The following MGAT5 variants were observed in gnomAD, a reference collection of about 807,000 sequenced individuals.
MGAT5 encodes the protein alpha-1,6-mannosylglycoprotein 6-beta-N-acetylglucosaminyltransferase.
MGAT5 carries 30 observed loss-of-function variants against 94.3 expected under a neutral mutation model. The ratio of observed to expected loss-of-function variants is 0.32; its 90% confidence interval spans 0.24 to 0.43. The LOEUF is 0.43. Ranked by LOEUF, MGAT5 falls within the 20% of genes least tolerant of loss-of-function variation. The probability of loss-of-function intolerance (pLI) is 1.00; values close to 1 mark genes in which losing one functional copy is unlikely to be tolerated. For missense variants in MGAT5, 691 were observed against 905.5 expected (o/e 0.76, Z 3.04); for synonymous variants, 310 against 322.9 (o/e 0.96, Z 0.43).
intron 6 of MGAT5, 37 bp from the exon 7 acceptor site, chr2:134,341,553 T>G: frequency 6.4e-7 from 1 of 1,559,708 alleles, no homozygotes; most frequent in Non-Finnish European, 8.7e-7. Context: ...TTGTATGTGG[T>G]TCAGTGTGAA....
intron 2 of MGAT5, among the ~76,000 whole-genome samples, chr2:134,286,302 C>A (rs1684997311): frequency 6.6e-6 from 1 of 152,186 alleles, no homozygotes; most frequent in South Asian, 2.1e-4. Flanking sequence ...GTTTCCAAAG[C>A]CCCTTTTCCC....
At position 134,318,750 on chromosome 2, in the gene MGAT5, T is replaced by C. The variant is rs1282024371; in HGVS notation, c.573+11T>C. The C allele has an allele frequency of 3.8e-6, 6 of 1,592,396 alleles. No homozygotes were observed. The highest frequency in any genetic ancestry group is 5.2e-6 in the Non-Finnish European group (6 of 1,160,608). On this transcript the variant is annotated intron_variant, in intron 4 of 15. Coordinates refer to ENST00000281923, the MANE Select transcript of MGAT5 (RefSeq NM_002410.5). ...ATTTACCTCAGTGAGGTGAGTAGCT[T>C]TCTGTGGCTCCTGGGGGTAGATGTG...
chr2:134,169,409 C>CAT (rs1553487188), intron 1 of MGAT5, among the ~76,000 whole-genome samples: 1 of 117,816 alleles, frequency 8.5e-6, no homozygotes, highest in Non-Finnish European at 1.8e-5. Flanking sequence ...CACACACACA[C>CAT]ACAGACACAC....
chr2:134,230,720 G>A (rs76846591), intron 1 of MGAT5, among the ~76,000 whole-genome samples: 2,368 of 152,250 alleles, frequency 0.016, 25 homozygotes, highest in Middle Eastern at 0.034. Flanking sequence ...GTAAAATGGT[G>A]TAGCTACTGT....
intron 1 of MGAT5, among the ~76,000 whole-genome samples, chr2:134,146,241 G>A (rs1558955868): frequency 6.6e-6 from 1 of 152,144 alleles, no homozygotes; most frequent in Non-Finnish European, 1.5e-5. Context: ...AAGGAAATGA[G>A]TCTTGAGAAC....
At chr2:134,346,654 T>G (rs929102229) in intron 8 of MGAT5, among the ~76,000 whole-genome samples, 6 of 152,170 alleles carry the variant, frequency 3.9e-5, no homozygotes, top group African/African-American at 1.4e-4. Flanking sequence ...GATCTTTCAA[T>G]TAGGAACAAA....
chr2:134,345,147 A>G (rs557326570), intron 8 of MGAT5, 83 bp downstream of exon 8: 2 of 1,404,352 alleles, frequency 1.4e-6, no homozygotes, highest in African/African-American at 1.4e-5. Context: ...GAAAAAGCTT[A>G]TCAAATAGTA....
At chr2:134,381,369 A>AGATAGATT (rs1553457670) in intron 10 of MGAT5, among the ~76,000 whole-genome samples, 1 of 55,110 alleles carries the variant, frequency 1.8e-5, no homozygotes. Context: ...ATAGATAGAT[A>AGATAGATT]AGATAAGATA....
chr2:134,144,015 G>A (rs1217886712), intron 1 of MGAT5, among the ~76,000 whole-genome samples: 2 of 152,124 alleles, frequency 1.3e-5, no homozygotes, highest in East Asian at 3.9e-4. Flanking sequence ...GTGATTCTGG[G>A]ATGCTCAGGG....
chr2:134,381,368 T>TAGATA (rs1558841540), intron 10 of MGAT5, among the ~76,000 whole-genome samples: 1 of 78,366 alleles, frequency 1.3e-5, no homozygotes, highest in South Asian at 5.0e-4. Flanking sequence ...GATAGATAGA[T>TAGATA]AAGATAAGAT....
chr2:134,395,592 C>T (rs1682659416), intron 10 of MGAT5, among the ~76,000 whole-genome samples: 1 of 152,176 alleles, frequency 6.6e-6, no homozygotes, highest in South Asian at 2.1e-4. Context: ...ATTTTATTCC[C>T]AGTGCTGGCT....
chr2:134,357,977 A>C (rs1468783115), intron 9 of MGAT5, among the ~76,000 whole-genome samples: 2 of 152,178 alleles, frequency 1.3e-5, no homozygotes, highest in African/African-American at 2.4e-5. Context: ...TTTTTCAATG[A>C]ATTTTTTTCT....
intron 9 of MGAT5, among the ~76,000 whole-genome samples, chr2:134,350,530 A>G (rs895886412): frequency 1.3e-5 from 2 of 152,168 alleles, no homozygotes; most frequent in African/African-American, 4.8e-5. Context: ...CGATATAGTA[A>G]GAACAGCACA....
intron 1 of MGAT5, among the ~76,000 whole-genome samples, chr2:134,180,602 C>T (rs1263726427): frequency 6.6e-6 from 1 of 152,176 alleles, no homozygotes; most frequent in Non-Finnish European, 1.5e-5. Context: ...CTCCAAATGC[C>T]TCACTCTTGT....
intron 10 of MGAT5, 129 bp downstream of exon 10, chr2:134,362,537 A>T (rs1680164493): frequency 8.5e-7 from 1 of 1,180,974 alleles, no homozygotes; most frequent in African/African-American, 1.5e-5. Flanking sequence ...CATAAACAAG[A>T]ATGTGCAAAG....
rs575845836 is a variant in MGAT5, at chr2:134,191,445, GC to G, written c.-142-62812del. Among the ~76,000 whole-genome samples the G allele has an allele frequency of 1.6e-3, 246 of 152,208 alleles. 1 individual carries two copies. Among genetic ancestry groups the G allele is most frequent in the African/African-American group, 5.6e-3 (231 of 41,534 alleles). ...GCGTTCCTGATGAAAGGGTGGGTTC[GC>G]CCCCTCCCCCTACCCCCCCCACCAG... On this transcript the variant is annotated intron_variant, in intron 1 of 16. Coordinates refer to the MGAT5 transcript ENST00000409645.
intron 1 of MGAT5, among the ~76,000 whole-genome samples, chr2:134,241,230 C>T (rs988211681): frequency 6.6e-6 from 1 of 152,212 alleles, no homozygotes; most frequent in African/African-American, 2.4e-5. Context: ...TCCTGTCCTT[C>T]CCGCTCTGGG....
At chr2:134,192,920 G>A (rs1351728409) in intron 1 of MGAT5, among the ~76,000 whole-genome samples, 1 of 151,746 alleles carries the variant, frequency 6.6e-6, no homozygotes, top group African/African-American at 2.4e-5. Context: ...AATATATATG[G>A]AACATACTAA....
intron 2 of MGAT5, among the ~76,000 whole-genome samples, chr2:134,297,830 T>TA (rs1321104223): frequency 6.6e-6 from 1 of 152,188 alleles, no homozygotes; most frequent in African/African-American, 2.4e-5. Flanking sequence ...ATATATTTGT[T>TA]AACTGTTGAA....
Sources: allele counts gnomAD v4.1 joint callset (sites outside exome capture counted in the v4.1 genomes callset), GRCh38; gene constraint gnomAD v4.1.1; transcripts MANE v1.5; gene names NCBI Gene and HGNC (gene_info 2026-07-23, HGNC 2026-07-21).